The following CSNK1E variants were observed in gnomAD, a reference collection of about 807,000 sequenced individuals.
The protein encoded by CSNK1E is casein kinase I isoform epsilon.
A neutral mutation model predicts 46.1 loss-of-function variants in CSNK1E; 17 were observed. The observed-to-expected ratio is 0.37, with a 90% confidence interval of 0.25 to 0.55. CSNK1E has a LOEUF of 0.55. Ranked by LOEUF, CSNK1E falls within the 20% of genes least tolerant of loss-of-function variation. CSNK1E has a pLI of 0.82. For synonymous variants in CSNK1E, 241 were observed against 242.6 expected (o/e 0.99, Z 0.06); for missense variants, 386 against 595.4 (o/e 0.65, Z 3.66).
chr22:38,308,415 G>A (rs1228233426), intron 2 of CSNK1E, among the ~76,000 whole-genome samples: 1 of 152,040 alleles, frequency 6.6e-6, no homozygotes, highest in Non-Finnish European at 1.5e-5. Flanking sequence ...CATGAGCAGA[G>A]AGGCAGGAGA....
intron 7 of CSNK1E, chr22:38,296,658 G>C (rs761346685): frequency 3.2e-5 from 51 of 1,612,782 alleles, no homozygotes; most frequent in South Asian, 1.6e-4. Context: ...GGTCAGACCA[G>C]CAGCAGTGGG....
At chr22:38,313,682 A>G (rs2092730825) in intron 2 of CSNK1E, among the ~76,000 whole-genome samples, 1 of 152,096 alleles carries the variant, frequency 6.6e-6, no homozygotes, top group Admixed American at 6.5e-5. Context: ...GGACATAGAG[A>G]GGGGGGCCTG....
Position 38,290,811 on chromosome 22 carries a change from T to C in CSNK1E, c.*1160A>G, listed in dbSNP as rs1260279934. 6.6e-6 allele frequency: 1 copy of C among 151,880 alleles called. No individual in the cohort carries two copies. Among genetic ancestry groups the C allele is most frequent in the Non-Finnish European group, 1.5e-5 (1 of 67,886 alleles). 9.4% of individuals were successfully genotyped at this position (151,880 alleles called of 1,614,324 possible). A position where few individuals can be genotyped will look rare whatever the true frequency, so the allele number is the denominator to read the frequency against. On this transcript the variant is annotated 3_prime_UTR_variant, in exon 11 of 11. Transcript: ENST00000396832. Reference sequence around the variant, plus strand: ...CCCCAAAGTTCTTCAGTTTTTTTTTTTTCAGTTTTTTAAATTACAAAGTAA... The same window carrying C: ...CCCCAAAGTTCTTCAGTTTTTTTTTCTTCAGTTTTTTAAATTACAAAGTAA...
At chr22:38,313,564 G>A (rs1434367006) in intron 2 of CSNK1E, among the ~76,000 whole-genome samples, 2 of 152,212 alleles carry the variant, frequency 1.3e-5, no homozygotes, top group Non-Finnish European at 2.9e-5. Context: ...GAAAAAGAGA[G>A]AGAGAGAACT....
At chr22:38,308,499 A>G (rs1388215415) in intron 2 of CSNK1E, among the ~76,000 whole-genome samples, 1 of 152,128 alleles carries the variant, frequency 6.6e-6, no homozygotes, top group African/African-American at 2.4e-5. Context: ...TCCCCTGGCC[A>G]GGGGTCGTCG....
At position 38,294,993 on chromosome 22, in the gene CSNK1E, G is replaced by C. The variant is rs2145828002; in HGVS notation, c.886-459C>G. On this transcript the variant is annotated intron_variant, in intron 7 of 10. Coordinates refer to ENST00000396832, the MANE Select transcript of CSNK1E (RefSeq NM_152221.3). The surrounding 1 kb of genome is among the most constrained non-coding windows in gnomAD (Gnocchi z 5.5). ...GGGTGTCCAGAGGGGGAAAAGAACAGGCCCAGAGTCACAAAACTAGTGGAA... is the reference window on the plus strand; with the variant it reads ...GGGTGTCCAGAGGGGGAAAAGAACACGCCCAGAGTCACAAAACTAGTGGAA... Among the ~76,000 whole-genome samples, 1 of 152,302 alleles carries C rather than the reference G, an allele frequency of 6.6e-6. No homozygotes were observed. The highest frequency in any genetic ancestry group is 2.1e-4 in the South Asian group (1 of 4,824).
rs961203236 is a variant in CSNK1E, at chr22:38,309,986, C to T, written c.76+4096G>A. On this transcript the variant is annotated intron_variant, in intron 2 of 10. Coordinates refer to ENST00000396832, the MANE Select transcript of CSNK1E (RefSeq NM_152221.3). This position sits in a 1 kb window ranked among gnomAD's most constrained non-coding sequence, Gnocchi z 4.8. ...AGCCGCCAGGCTTTTCTCTGAGCTC[C>T]CTTAATTCTTACAACCGCTAAGCTG... Among the ~76,000 whole-genome samples the T allele has an allele frequency of 2.6e-5, 4 of 152,314 alleles. No homozygotes were observed. Among genetic ancestry groups the T allele is most frequent in the Non-Finnish European group, 4.4e-5 (3 of 68,034 alleles).
At chr22:38,305,765 C>T (rs942402721) in intron 2 of CSNK1E, among the ~76,000 whole-genome samples, 4 of 152,124 alleles carry the variant, frequency 2.6e-5, no homozygotes, top group African/African-American at 4.8e-5. Context: ...AAAAGTCTTA[C>T]GAGATAACAC....
In CSNK1E at chr22:38,298,706, C is replaced by T. The variant is rs2092654723; in HGVS notation, c.885+80G>A. The T allele has an allele frequency of 3.2e-6, 5 of 1,557,204 alleles. No homozygotes were observed. Among genetic ancestry groups the T allele is most frequent in the Non-Finnish European group, 3.5e-6 (4 of 1,135,018 alleles). The stretch of plus-strand genomic sequence containing the variant: ...CCCGTCTGTCGGGAGCCCCTCCCGC[C>T]ACCAGCTCACTCTGGCCCTCTGAGT... On this transcript the variant is annotated intron_variant, in intron 7 of 10. Coordinates refer to ENST00000396832, the MANE Select transcript of CSNK1E (RefSeq NM_152221.3). The surrounding 1 kb of genome is among the most constrained non-coding windows in gnomAD (Gnocchi z 4.2).
At position 38,294,590 on chromosome 22, in the gene CSNK1E, C is replaced by A; in HGVS notation, c.886-56G>T. On this transcript the variant is annotated intron_variant, in intron 7 of 10. Transcript: ENST00000396832. This position sits in a 1 kb window ranked among gnomAD's most constrained non-coding sequence, Gnocchi z 5.5. ...GCCCCAGAGGCCAGGGTGCTCTGGGCCCAGCAGCCCTGCAGGGCACAGAAG... is the reference window on the plus strand; with the variant it reads ...GCCCCAGAGGCCAGGGTGCTCTGGGACCAGCAGCCCTGCAGGGCACAGAAG... 1 of 1,482,422 alleles carries A rather than the reference C, an allele frequency of 6.7e-7. No homozygotes were observed. The allele number at this position is 1,482,422 out of a possible 1,614,324, so 91.8% of individuals were successfully genotyped here.
At chr22:38,304,938 G>A (rs1290305846) in intron 2 of CSNK1E, among the ~76,000 whole-genome samples, 1 of 151,916 alleles carries the variant, frequency 6.6e-6, no homozygotes, top group Non-Finnish European at 1.5e-5. Context: ...CCCAGCCAAG[G>A]TGGTGAAACC....
At position 38,300,058 on chromosome 22, in the gene CSNK1E, G is replaced by A. The variant is rs1413334610; in HGVS notation, c.573C>T (p.Ser191=). ...SINTHLGIEQ[S]RRDDLESLGY... ...CCAGGCTCTCCAGGTCATCTCGACG[G>A]CTTTGCTCTGCACAGAGAGTCAAAG... is the stretch of plus-strand genomic sequence containing the variant. The change falls in exon 6 of 11, where the codon AGC becomes AGT. Residue 191 remains serine, a synonymous_variant. Transcript: ENST00000396832. The surrounding 1 kb of genome is among the most constrained non-coding windows in gnomAD (Gnocchi z 4.4). 1 of 1,613,822 alleles carries A rather than the reference G, an allele frequency of 6.2e-7. No individual in the cohort carries two copies. Among genetic ancestry groups the A allele is most frequent in the African/African-American group, 1.3e-5 (1 of 75,066 alleles).
chr22:38,299,813 G>A (rs181802155), intron 6 of CSNK1E, 82 bp downstream of exon 6: 50 of 1,503,930 alleles, frequency 3.3e-5, no homozygotes, highest in Middle Eastern at 1.8e-4. Context: ...TAGCCCCAGC[G>A]TGGGCTTTGT....
In CSNK1E at chr22:38,298,168, G is replaced by A; in HGVS notation, c.885+618C>T. 2 of 1,303,078 alleles carry A rather than the reference G, an allele frequency of 1.5e-6. No homozygotes were observed. The highest frequency in any genetic ancestry group is 2.0e-6 in the Non-Finnish European group (2 of 988,380). 80.7% of individuals were successfully genotyped at this position (1,303,078 alleles called of 1,614,324 possible). On this transcript the variant is annotated intron_variant, in intron 7 of 10. Transcript: ENST00000396832. The surrounding 1 kb of genome is among the most constrained non-coding windows in gnomAD (Gnocchi z 4.2). Reference sequence around the variant, plus strand: ...AGAAAGGTCCCTTCGCTGTCATGGGGCTGTCACGGGGCTGAGCCTGGCTCG... The same window carrying A: ...AGAAAGGTCCCTTCGCTGTCATGGGACTGTCACGGGGCTGAGCCTGGCTCG...
intron 1 of CSNK1E, among the ~76,000 whole-genome samples, chr22:38,315,813 T>C (rs2092742510): frequency 6.6e-6 from 1 of 152,154 alleles, no homozygotes; most frequent in Non-Finnish European, 1.5e-5. Flanking sequence ...GTGCCCTCTG[T>C]CTGGGTGTCT....
intron 7 of CSNK1E, chr22:38,296,505 T>G: frequency 6.3e-7 from 1 of 1,582,316 alleles, no homozygotes; most frequent in South Asian, 1.1e-5. Flanking sequence ...TCCAGGTGCT[T>G]CTGCCAGGGG....
chr22:38,317,046 C>T (rs1279118450), intron 1 of CSNK1E, 114 bp downstream of exon 1: 1 of 151,952 alleles, frequency 6.6e-6, no homozygotes, highest in Non-Finnish European at 1.5e-5. Context: ...AGCGCGAACG[C>T]GCGTGTGTCT....
chr22:38,314,376 G>T (rs1418755925), intron 1 of CSNK1E, among the ~76,000 whole-genome samples: 1 of 150,724 alleles, frequency 6.6e-6, no homozygotes, highest in African/African-American at 2.5e-5. Flanking sequence ...AGTGTGGCCA[G>T]AGAGGAAGCA....
intron 2 of CSNK1E, among the ~76,000 whole-genome samples, chr22:38,312,372 T>C (rs2145851599): frequency 6.6e-6 from 1 of 152,364 alleles, no homozygotes; most frequent in African/African-American, 2.4e-5. Flanking sequence ...GTTACAGGTG[T>C]GAGCCACCGC....
Sources: gnomAD v4.1 joint callset for allele counts (sites outside exome capture counted in the v4.1 genomes callset) on GRCh38, gnomAD v4.1.1 for gene constraint, Gnocchi (gnomAD v3.1) non-coding constraint, MANE v1.5 for transcripts, NCBI Gene and HGNC (gene_info 2026-07-23, HGNC 2026-07-21) for gene names.